PPP2R2B: variants seen among roughly 807,000 people sequenced by gnomAD.
The protein encoded by PPP2R2B is protein phosphatase 2 regulatory subunit Bbeta, also known as serine/threonine-protein phosphatase 2A 55 kDa regulatory subunit B beta isoform.
PPP2R2B carries 5 observed loss-of-function variants against 46.0 expected under a neutral mutation model. The ratio of observed to expected loss-of-function variants is 0.11; its 90% confidence interval spans 0.06 to 0.23. The LOEUF is 0.23. Among genes scored for constraint, PPP2R2B ranks in the 10% least tolerant of loss-of-function variants. The pLI is 1.00. For synonymous variants in PPP2R2B, 215 were observed against 206.7 expected (o/e 1.04, Z -0.34); for missense variants, 367 against 575.0 (o/e 0.64, Z 3.70).
chr5:146,647,910 C>A (rs923160130), intron 6 of PPP2R2B, among the ~76,000 whole-genome samples: 4 of 152,324 alleles, frequency 2.6e-5, no homozygotes, highest in Non-Finnish European at 4.4e-5. Flanking sequence ...CCGTGATCAA[C>A]AAAATATGCC....
intron 1 of PPP2R2B, among the ~76,000 whole-genome samples, chr5:147,023,826 G>T (rs1220844877): frequency 6.6e-6 from 1 of 151,916 alleles, no homozygotes. Flanking sequence ...TCCATTGAGG[G>T]CCCAGACAGA....
chr5:146,765,153 A>G (rs1261547229), intron 2 of PPP2R2B, among the ~76,000 whole-genome samples: 1 of 152,214 alleles, frequency 6.6e-6, no homozygotes, highest in Non-Finnish European at 1.5e-5. Flanking sequence ...GTGATATCAA[A>G]TTTTAAAAGG....
intron 1 of PPP2R2B, among the ~76,000 whole-genome samples, chr5:146,913,978 A>G: frequency 6.6e-6 from 1 of 152,238 alleles, no homozygotes; most frequent in East Asian, 1.9e-4. Context: ...GAATCAGCAA[A>G]CAAAATGACA....
At chr5:146,871,254 G>T (rs1761598065) in intron 2 of PPP2R2B, among the ~76,000 whole-genome samples, 1 of 152,200 alleles carries the variant, frequency 6.6e-6, no homozygotes, top group Admixed American at 6.5e-5. Flanking sequence ...ATGTGCAAAA[G>T]AACATCTGCC....
At chr5:146,641,058 T>C (rs1197517996) in intron 6 of PPP2R2B, among the ~76,000 whole-genome samples, 1 of 152,162 alleles carries the variant, frequency 6.6e-6, no homozygotes, top group African/African-American at 2.4e-5. Context: ...ATCACTGGGA[T>C]GATGAAGTTA....
upstream of PPP2R2B, chr5:146,878,812 C>A: frequency 7.8e-7 from 1 of 1,275,900 alleles, no homozygotes; most frequent in Non-Finnish European, 1.0e-6. The surrounding 1 kb of genome is among the most constrained non-coding windows in gnomAD (Gnocchi z 4.5). Context: ...CCAACCGCGT[C>A]AGCAGCCCCA....
chr5:146,706,675 G>A (rs1779879041), intron 2 of PPP2R2B: 2 of 868,406 alleles, frequency 2.3e-6, no homozygotes, highest in Non-Finnish European at 1.9e-6. Context: ...GTCTCAGCCT[G>A]GAGCCAGCTG....
At chr5:146,604,539 CTGA>C (rs1182756632) in intron 7 of PPP2R2B, among the ~76,000 whole-genome samples, 9 of 152,136 alleles carry the variant, frequency 5.9e-5, no homozygotes. Flanking sequence ...GGTGAGAAAC[CTGA>C]TAGCCCAGTC....
intron 5 of PPP2R2B, among the ~76,000 whole-genome samples, chr5:146,663,228 A>T (rs966651819): frequency 3.3e-5 from 5 of 152,190 alleles, no homozygotes; most frequent in Non-Finnish European, 7.4e-5. Context: ...ACAGGTACTC[A>T]GTATTTCTAG....
chr5:147,067,993 G>T (rs575904111), intron 2 of PPP2R2B, among the ~76,000 whole-genome samples: 1 of 152,214 alleles, frequency 6.6e-6, no homozygotes, highest in South Asian at 2.1e-4. Flanking sequence ...ATCTTTGTGT[G>T]CACCCAGGTG....
chr5:146,889,601 C>A (rs188637518), intron 1 of PPP2R2B, among the ~76,000 whole-genome samples: 2 of 152,270 alleles, frequency 1.3e-5, no homozygotes, highest in East Asian at 3.9e-4. Flanking sequence ...ACAATTGAAA[C>A]GTTGCAATTG....
chr5:147,052,727 T>C (rs980700960), intron 1 of PPP2R2B, among the ~76,000 whole-genome samples: 1 of 152,126 alleles, frequency 6.6e-6, no homozygotes, highest in Admixed American at 6.6e-5. Context: ...GCTCAGAATA[T>C]GCAGGCCCCG....
chr5:147,025,482 TA>T (rs1260588188), intron 1 of PPP2R2B, among the ~76,000 whole-genome samples: 2 of 149,168 alleles, frequency 1.3e-5, no homozygotes, highest in East Asian at 3.9e-4. Context: ...AACCCCGAAA[TA>T]GGAGAAAATC....
chr5:146,769,127 C>A (rs1326068474), intron 2 of PPP2R2B, among the ~76,000 whole-genome samples: 1 of 152,174 alleles, frequency 6.6e-6, no homozygotes, highest in Non-Finnish European at 1.5e-5. Flanking sequence ...ATCTGCCTGC[C>A]ACAGCCTCCC....
chr5:146,809,966 G>T (rs955245328), intron 2 of PPP2R2B, among the ~76,000 whole-genome samples: 5 of 152,106 alleles, frequency 3.3e-5, no homozygotes, highest in African/African-American at 1.2e-4. Context: ...TACAAAAAAG[G>T]ACTTGCTAGC....
At chr5:146,724,924 C>T (rs527236725) in intron 2 of PPP2R2B, among the ~76,000 whole-genome samples, 7 of 152,184 alleles carry the variant, frequency 4.6e-5, no homozygotes, top group Admixed American at 3.3e-4. Flanking sequence ...GAGAACACCG[C>T]TCAATAGGGT....
intron 2 of PPP2R2B, among the ~76,000 whole-genome samples, chr5:146,852,530 C>G (rs1425981817): frequency 2.0e-5 from 3 of 152,110 alleles, no homozygotes; most frequent in Non-Finnish European, 2.9e-5. Flanking sequence ...CAATTAGCCT[C>G]TAGAATCGAA....
chr5:147,005,415 A>G (rs896048505), intron 1 of PPP2R2B, among the ~76,000 whole-genome samples: 3 of 152,370 alleles, frequency 2.0e-5, no homozygotes, highest in Middle Eastern at 3.4e-3. Context: ...ATAAATGTGT[A>G]TACAGATAGC....
chr5:146,698,317 AATATAT>A (rs35533710), intron 3 of PPP2R2B, among the ~76,000 whole-genome samples, 173 bp from the exon 4 acceptor site: 1,219 of 85,510 alleles, frequency 0.014, 85 homozygotes, highest in Middle Eastern at 0.043. Context: ...AAAAAAAAAA[AATATAT>A]ATATATATAT....
Sources: allele counts gnomAD v4.1 joint callset (sites outside exome capture counted in the v4.1 genomes callset), GRCh38; gene constraint gnomAD v4.1.1; non-coding constraint Gnocchi (gnomAD v3.1); transcripts MANE v1.5; gene names NCBI Gene and HGNC (gene_info 2026-07-23, HGNC 2026-07-21).